Variants in PLEKHA7 observed in about 807,000 individuals in gnomAD.
PLEKHA7 encodes pleckstrin homology domain containing A7, also known as pleckstrin homology domain-containing family A member 7.
PLEKHA7 carries 104 observed loss-of-function variants against 170.0 expected under a neutral mutation model. The ratio of observed to expected loss-of-function variants is 0.61; its 90% confidence interval spans 0.52 to 0.72. The LOEUF (loss-of-function observed/expected upper bound fraction) is 0.72, where lower values mean the gene tolerates loss of function less well. Among genes scored for constraint, PLEKHA7 ranks in the 30% least tolerant of loss-of-function variants. PLEKHA7 has a pLI of 0.00. For synonymous variants in PLEKHA7, 648 were observed against 660.8 expected, an observed-to-expected ratio of 0.98 and a Z score of 0.30; for missense variants, 1,615 against 1,671.7, an observed-to-expected ratio of 0.97 and a Z score of 0.59.
At chr11:17,007,424 G>A (rs1301823668) in intron 3 of PLEKHA7, among the ~76,000 whole-genome samples, 1 of 152,040 alleles carries the variant, frequency 6.6e-6, no homozygotes, top group Non-Finnish European at 1.5e-5. Context: ...CTGGGTTCAA[G>A]CGTTCCTCCT....
chr11:16,792,696 T>C (rs1274590243), intron 19 of PLEKHA7, among the ~76,000 whole-genome samples: 1 of 152,258 alleles, frequency 6.6e-6, no homozygotes, highest in Non-Finnish European at 1.5e-5. Context: ...AGGTGGTCTC[T>C]TTATTGTTAT....
chr11:16,952,665 G>T (rs1565149886), intron 3 of PLEKHA7, among the ~76,000 whole-genome samples: 1 of 152,126 alleles, frequency 6.6e-6, no homozygotes, highest in African/African-American at 2.4e-5. Flanking sequence ...CAGATTTGGG[G>T]TTTTTGCATA....
At chr11:17,005,872 G>A (rs928261726) in intron 3 of PLEKHA7, among the ~76,000 whole-genome samples, 1 of 152,120 alleles carries the variant, frequency 6.6e-6, no homozygotes, top group Non-Finnish European at 1.5e-5. Context: ...AATGCAACCA[G>A]GAAGTGAAAT....
chr11:16,822,684 C>T (rs1372601050), intron 10 of PLEKHA7, among the ~76,000 whole-genome samples: 3 of 152,124 alleles, frequency 2.0e-5, no homozygotes, highest in Non-Finnish European at 4.4e-5. Flanking sequence ...TTGCCTGACC[C>T]TTAGGCTAGG....
chr11:16,970,812 A>G (rs929870013), intron 3 of PLEKHA7, among the ~76,000 whole-genome samples: 24 of 152,248 alleles, frequency 1.6e-4, no homozygotes, highest in Admixed American at 9.2e-4. Context: ...CAATTTTATA[A>G]AATTTGTATT....
intron 10 of PLEKHA7, among the ~76,000 whole-genome samples, chr11:16,823,186 G>T (rs1254973899): frequency 6.6e-6 from 1 of 151,966 alleles, no homozygotes; most frequent in East Asian, 1.9e-4. Flanking sequence ...AAATTTTTTT[G>T]GTAGAGATGG....
intron 3 of PLEKHA7, among the ~76,000 whole-genome samples, chr11:16,963,329 C>CT (rs910912369): frequency 1.1e-4 from 16 of 150,300 alleles, no homozygotes; most frequent in Admixed American, 2.0e-4. Context: ...TAATTTAGGA[C>CT]TTTTTTTTTT....
intron 9 of PLEKHA7, among the ~76,000 whole-genome samples, chr11:16,840,329 G>A (rs575002809): frequency 6.6e-6 from 1 of 152,296 alleles, no homozygotes; most frequent in East Asian, 1.9e-4. Flanking sequence ...GGGAGACCAA[G>A]GTGGGTGGAT....
intron 13 of PLEKHA7, among the ~76,000 whole-genome samples, chr11:16,806,383 A>C (rs970935596): frequency 6.6e-6 from 1 of 152,252 alleles, no homozygotes; most frequent in Non-Finnish European, 1.5e-5. Flanking sequence ...AATACACTTA[A>C]AACATCAACT....
Position 17,011,461 on chromosome 11 carries a change from A to T in PLEKHA7, c.221+2528T>A, listed in dbSNP as rs563246523. On this transcript the variant is annotated intron_variant, in intron 3 of 26. Transcript: ENST00000531066. ...AATTACCGGCTAATGTCTCAACTCCACTTTGCAACAAAACTACCTGGAAGA... is the reference window on the plus strand; with the variant it reads ...AATTACCGGCTAATGTCTCAACTCCTCTTTGCAACAAAACTACCTGGAAGA... 3.9e-5 allele frequency among the ~76,000 whole-genome samples: 6 copies of T among 152,128 alleles called. No individual in the cohort carries two copies. The East Asian group carries it at 1.2e-3, about 29-fold the overall frequency.
At chr11:16,888,609 C>A (rs1235512008) in intron 3 of PLEKHA7, among the ~76,000 whole-genome samples, 1 of 152,248 alleles carries the variant, frequency 6.6e-6, no homozygotes, top group Non-Finnish European at 1.5e-5. Context: ...AAGGGCGGTG[C>A]AAGATGTGCT....
intron 3 of PLEKHA7, among the ~76,000 whole-genome samples, chr11:16,889,935 A>G (rs1308317825): frequency 6.6e-6 from 1 of 152,148 alleles, no homozygotes; most frequent in Non-Finnish European, 1.5e-5. Context: ...AGGAAATCCC[A>G]TCAGACTAAA....
chr11:16,800,003 T>C (rs1025560065), intron 17 of PLEKHA7, among the ~76,000 whole-genome samples: 2 of 152,196 alleles, frequency 1.3e-5, no homozygotes, highest in Admixed American at 1.3e-4. Context: ...GTGAGGCTAA[T>C]GTCTGGAGAG....
intron 3 of PLEKHA7, among the ~76,000 whole-genome samples, chr11:16,987,462 G>A (rs981178662): frequency 6.6e-6 from 1 of 152,288 alleles, no homozygotes; most frequent in South Asian, 2.1e-4. Context: ...AATGGCTTCC[G>A]AGTAGAGACG....
At chr11:16,921,158 T>C (rs970452494) in intron 3 of PLEKHA7, among the ~76,000 whole-genome samples, 2 of 152,184 alleles carry the variant, frequency 1.3e-5, no homozygotes, top group Non-Finnish European at 2.9e-5. Context: ...CAGACCTCTG[T>C]TCACTGGCAG....
chr11:17,013,986 C>A lies in PLEKHA7; in HGVS notation c.221+3G>T. On this transcript the variant is annotated splice_donor_region_variant and intron_variant, in intron 3 of 26. Transcript: ENST00000531066. Reference sequence around the variant, plus strand: ...TGCGAGCGCGGCGGCCCCACTCACTCACTCGATGAAGTAGCTGGCGCCCTC... The same window carrying A: ...TGCGAGCGCGGCGGCCCCACTCACTAACTCGATGAAGTAGCTGGCGCCCTC... 1 of 1,541,836 alleles carries A rather than the reference C, an allele frequency of 6.5e-7. No individual in the cohort carries two copies. Among genetic ancestry groups the A allele is most frequent in the South Asian group, 1.2e-5 (1 of 83,426 alleles).
intron 8 of PLEKHA7, among the ~76,000 whole-genome samples, chr11:16,849,381 A>T (rs754035117): frequency 6.6e-6 from 1 of 152,216 alleles, no homozygotes; most frequent in Non-Finnish European, 1.5e-5. Context: ...TTGTTTGCCC[A>T]ACTGGGCAGT....
intron 26 of PLEKHA7, 127 bp from the exon 27 acceptor site, chr11:16,779,147 C>T (rs1400193225): frequency 2.9e-6 from 2 of 683,214 alleles, no homozygotes; most frequent in Non-Finnish European, 5.4e-6. Context: ...GGCAATGCGG[C>T]CGCTGCTGGG....
At chr11:16,999,794 G>C (rs1189959397) in intron 3 of PLEKHA7, among the ~76,000 whole-genome samples, 1 of 152,192 alleles carries the variant, frequency 6.6e-6, no homozygotes, top group Non-Finnish European at 1.5e-5. Flanking sequence ...TCTAGAGACA[G>C]AGAAGCTGAA....
Sources: gnomAD v4.1 joint callset for allele counts (sites outside exome capture counted in the v4.1 genomes callset) on GRCh38, gnomAD v4.1.1 for gene constraint, MANE v1.5 for transcripts, NCBI Gene and HGNC (gene_info 2026-07-23, HGNC 2026-07-21) for gene names.